The following WDR12 variants were observed in gnomAD, a reference collection of about 807,000 sequenced individuals.
WDR12 encodes the protein WD repeat domain 12.
A neutral mutation model predicts 64.3 loss-of-function variants in WDR12; 42 were observed. The observed-to-expected ratio is 0.65, with a 90% CI of 0.51 to 0.84. The LOEUF is 0.84. Ranked by LOEUF, WDR12 falls within the 40% of genes least tolerant of loss-of-function variation. The pLI is 0.00. For synonymous variants in WDR12, 158 were observed against 173.3 expected (o/e 0.91, Z 0.70); for missense variants, 469 against 494.6 (o/e 0.95, Z 0.49).
intron 11 of WDR12, among the ~76,000 whole-genome samples, chr2:202,883,235 G>A (rs1003408868): frequency 4.0e-5 from 6 of 151,860 alleles, no homozygotes; most frequent in East Asian, 1.9e-4. Context: ...TCCTGGGTTC[G>A]AGCGATTCTC....
chr2:202,895,310 T>C (rs1167254178), intron 6 of WDR12, among the ~76,000 whole-genome samples: 2 of 152,190 alleles, frequency 1.3e-5, no homozygotes, highest in Non-Finnish European at 2.9e-5. Context: ...AACTAACTTT[T>C]ACCATTTTGT....
At chr2:202,887,764 T>C (rs1450540490) in intron 8 of WDR12, among the ~76,000 whole-genome samples, 2 of 151,142 alleles carry the variant, frequency 1.3e-5, no homozygotes, top group Non-Finnish European at 3.0e-5. Flanking sequence ...GGCGGGCGCC[T>C]GTAGTCCCAG....
chr2:202,904,615 AT>A (rs1688421629), intron 2 of WDR12, among the ~76,000 whole-genome samples: 3 of 152,208 alleles, frequency 2.0e-5, no homozygotes, highest in Admixed American at 1.3e-4. Flanking sequence ...CTGGGTATCC[AT>A]ATGCAAAAAA....
intron 11 of WDR12, 197 bp from the exon 12 acceptor site, chr2:202,882,980 T>C (rs1687982090): frequency 4.1e-6 from 2 of 487,238 alleles, no homozygotes; most frequent in African/African-American, 2.0e-5. Flanking sequence ...ACATTTATTA[T>C]AACAAATATA....
Position 202,897,316 on chromosome 2 carries a change from C to T in WDR12, c.438G>A (p.Val146=), listed in dbSNP as rs1688265022. ...IVGHTDVVKD[V]AWVKKDSLSC... is the part of the protein sequence containing the mutation. The stretch of plus-strand genomic sequence containing the variant: ...TGTCCTAACCTTTTTTCACCCAGGC[C>T]ACATCTTTTACAACATCCGTATGTC... The change falls in exon 5 of 13, where the codon GTG becomes GTA. Residue 146 remains valine, a synonymous_variant. Coordinates refer to ENST00000261015, the MANE Select transcript of WDR12 (RefSeq NM_018256.4). 1.3e-6 allele frequency: 2 copies of T among 1,597,290 alleles called. No homozygotes were observed. Among genetic ancestry groups the T allele is most frequent in the East Asian group, 2.3e-5 (1 of 43,382 alleles).
intron 1 of WDR12, among the ~76,000 whole-genome samples, chr2:202,909,284 T>C (rs1470218510): frequency 6.6e-6 from 1 of 152,186 alleles, no homozygotes; most frequent in Admixed American, 6.5e-5. Flanking sequence ...ATAAACAACC[T>C]AAATGCCCAC....
At position 202,875,840 on chromosome 2, in the gene WDR12, T is replaced by C. The variant is rs1253990915; in HGVS notation, c.*5020A>G. ...AAGTCCAAGTTCAAATTCACTGCCATTTATTTCCTGCCTGTGTGACTGTTC... is the reference window on the plus strand; with the variant it reads ...AAGTCCAAGTTCAAATTCACTGCCACTTATTTCCTGCCTGTGTGACTGTTC... On this transcript the variant is annotated 3_prime_UTR_variant, in exon 13 of 13. Transcript: ENST00000261015. The C allele has an allele frequency of 1.3e-5, 2 of 152,238 alleles. No individual in the cohort carries two copies. The highest frequency in any genetic ancestry group is 1.3e-4 in the Admixed American group (2 of 15,274). The allele number at this position is 152,238 out of a possible 1,614,324, so 9.4% of individuals were successfully genotyped here. A position where few individuals can be genotyped will look rare whatever the true frequency, so the allele number is the denominator to read the frequency against.
intron 8 of WDR12, among the ~76,000 whole-genome samples, chr2:202,885,880 T>C (rs1039106394): frequency 1.3e-5 from 2 of 152,038 alleles, no homozygotes; most frequent in Non-Finnish European, 2.9e-5. Context: ...GGCAACATAG[T>C]AAGACCCCGT....
Position 202,901,058 on chromosome 2 carries a change from C to T in WDR12, c.198G>A (p.Leu66=). 6.3e-7 allele frequency: 1 copy of T among 1,598,114 alleles called. No individual in the cohort carries two copies. The highest frequency in any genetic ancestry group is 8.6e-7 in the Non-Finnish European group (1 of 1,169,258). The change falls in exon 3 of 13, where the codon TTG becomes TTA. Residue 66 remains leucine, a synonymous_variant. Coordinates refer to ENST00000261015, the MANE Select transcript of WDR12 (RefSeq NM_018256.4). ...TGTTCTCCATTTCCATGTGTTTGTC[C>T]AAGGGCATTCGCAGAAACTGGCCCT... The part of the protein sequence containing the change: ...LIKGQFLRMP[L]DKHMEMENIS...
chr2:202,874,848 T>G lies in WDR12; in HGVS notation c.*6012A>C, dbSNP rs755233103. 5.9e-5 allele frequency: 9 copies of G among 152,196 alleles called. No homozygotes were observed. Among genetic ancestry groups the G allele is most frequent in the Non-Finnish European group, 1.0e-4 (7 of 68,032 alleles). 9.4% of individuals were successfully genotyped at this position (152,196 alleles called of 1,614,324 possible). ...AAACAGTATTAGAATTAGACACAAT[T>G]CTAGAATTAGAATTATTATGATGAT... On this transcript the variant is annotated 3_prime_UTR_variant, in exon 13 of 13. Transcript: ENST00000261015.
At chr2:202,894,647 G>C (rs1202464006) in intron 6 of WDR12, 21 bp from the exon 7 acceptor site, 2 of 1,592,496 alleles carry the variant, frequency 1.3e-6, no homozygotes. Flanking sequence ...GTATATGAAG[G>C]GAAAAGACAT....
rs147667031 is a variant in WDR12 at position 202,885,550 on chromosome 2, G to A, written c.742-1015C>T. On this transcript the variant is annotated intron_variant, in intron 8 of 12. Coordinates refer to ENST00000261015, the MANE Select transcript of WDR12 (RefSeq NM_018256.4). ...TCAGCACCTTCACACAAAATATGCCGCCAATTTCTACACAACTCCTCCAGG... is the reference window on the plus strand; with the variant it reads ...TCAGCACCTTCACACAAAATATGCCACCAATTTCTACACAACTCCTCCAGG... Among the ~76,000 whole-genome samples, 121 of 152,146 alleles carry A rather than the reference G, an allele frequency of 8.0e-4. 1 individual carries two copies. The highest frequency in any genetic ancestry group is 6.8e-3 in the East Asian group (35 of 5,176).
intron 2 of WDR12, among the ~76,000 whole-genome samples, chr2:202,904,319 A>G (rs1037285735): frequency 5.3e-5 from 8 of 151,850 alleles, no homozygotes; most frequent in Non-Finnish European, 1.0e-4. Context: ...TACCAATGAC[A>G]TTCTTCACAG....
At chr2:202,900,434 G>C (rs1347805012) in intron 3 of WDR12, among the ~76,000 whole-genome samples, 1 of 152,056 alleles carries the variant, frequency 6.6e-6, no homozygotes, top group Non-Finnish European at 1.5e-5. Flanking sequence ...AAACAATTCT[G>C]GAAAATGGTG....
At chr2:202,908,607 C>G (rs1688505125) in intron 1 of WDR12, among the ~76,000 whole-genome samples, 1 of 152,188 alleles carries the variant, frequency 6.6e-6, no homozygotes, top group Non-Finnish European at 1.5e-5. Flanking sequence ...CCAAAGTGAC[C>G]AAAGGCTAAA....
chr2:202,884,547 G>A lies in WDR12; in HGVS notation c.742-12C>T. ...GTCACTATGGGAGTCTAGAAAGGAA[G>A]AACCCCAAAAGGGGAAAGTGTTTTC... On this transcript the variant is annotated splice_polypyrimidine_tract_variant and intron_variant, in intron 8 of 12. Coordinates refer to ENST00000261015, the MANE Select transcript of WDR12 (RefSeq NM_018256.4). 6.3e-7 allele frequency: 1 copy of A among 1,599,058 alleles called. No individual in the cohort carries two copies. Among genetic ancestry groups the A allele is most frequent in the Non-Finnish European group, 8.5e-7 (1 of 1,176,278 alleles).
In WDR12 at chr2:202,899,588, G is replaced by A. The variant is rs1438770242; in HGVS notation, c.281C>T (p.Pro94Leu). 2 of 1,614,152 alleles carry A rather than the reference G, an allele frequency of 1.2e-6. No individual in the cohort carries two copies. The highest frequency in any genetic ancestry group is 8.5e-7 in the Non-Finnish European group (1 of 1,180,030). The change falls in exon 4 of 13, where the codon CCA (proline) becomes CTA (leucine). Residue 94 changes from proline (P) to leucine (L), a missense_variant. Coordinates refer to ENST00000261015, the MANE Select transcript of WDR12 (RefSeq NM_018256.4). ...GTCATCATGGAACATGCATTGCTCT[G>A]GCTGGGGTGCAGTATACTTCTCCAC... ...EYVEKYTAPQ[P>L]EQCMFHDDWI...
In WDR12 at chr2:202,899,578, G is replaced by A; in HGVS notation, c.291C>T (p.Cys97=). The change falls in exon 4 of 13, where the codon TGC becomes TGT. Residue 97 remains cysteine (C), a synonymous_variant. Coordinates refer to ENST00000261015, the MANE Select transcript of WDR12 (RefSeq NM_018256.4). ...EKYTAPQPEQ[C]MFHDDWISSI... ...AACTGATCCAGTCATCATGGAACAT[G>A]CATTGCTCTGGCTGGGGTGCAGTAT... 1 of 1,614,126 alleles carries A rather than the reference G, an allele frequency of 6.2e-7. No homozygotes were observed. Among genetic ancestry groups the A allele is most frequent in the Non-Finnish European group, 8.5e-7 (1 of 1,180,000 alleles).
chr2:202,892,213 G>A (rs926019924), intron 8 of WDR12, among the ~76,000 whole-genome samples: 1 of 152,160 alleles, frequency 6.6e-6, no homozygotes, highest in African/African-American at 2.4e-5. Context: ...TTGGTTTCTA[G>A]TGATTTAGAA....
Sources: gnomAD v4.1 joint callset for allele counts (sites outside exome capture counted in the v4.1 genomes callset) on GRCh38, gnomAD v4.1.1 for gene constraint, MANE v1.5 for transcripts, NCBI Gene and HGNC (gene_info 2026-07-23, HGNC 2026-07-21) for gene names.